The following HS3ST3A1 variants were observed in gnomAD, a reference collection of about 807,000 sequenced individuals.
The protein encoded by HS3ST3A1 is heparan sulfate glucosamine 3-O-sulfotransferase 3A1.
In HS3ST3A1, 19 loss-of-function variants were observed where a neutral mutation model predicts 25.7. That is an observed-to-expected ratio of 0.74 (90% confidence interval 0.52 to 1.08). HS3ST3A1 has a LOEUF of 1.08. HS3ST3A1 is among the 50% of genes least tolerant of loss of function. The probability of loss-of-function intolerance (pLI) is 0.00; values close to 1 mark genes in which losing one functional copy is unlikely to be tolerated. For missense variants in HS3ST3A1, 459 were observed against 594.3 expected (o/e 0.77, Z 2.37); for synonymous variants, 226 against 278.6 (o/e 0.81, Z 1.88).
At chr17:13,526,502 A>G (rs1235126520) in intron 1 of HS3ST3A1, among the ~76,000 whole-genome samples, 1 of 129,684 alleles carries the variant, frequency 7.7e-6, no homozygotes, top group African/African-American at 3.1e-5. Context: ...ATATATATAT[A>G]TATATATATA....
At chr17:13,521,099 G>A (rs1906220674) in intron 1 of HS3ST3A1, among the ~76,000 whole-genome samples, 1 of 152,116 alleles carries the variant, frequency 6.6e-6, no homozygotes, top group South Asian at 2.1e-4. Flanking sequence ...TGTCTGTGGT[G>A]GCAGAACTCC....
chr17:13,545,478 C>T (rs183097833), intron 1 of HS3ST3A1, among the ~76,000 whole-genome samples: 14 of 152,228 alleles, frequency 9.2e-5, no homozygotes, highest in African/African-American at 2.4e-4. Flanking sequence ...CTAGCTATAC[C>T]GGAGAGCTAT....
At chr17:13,552,738 G>T (rs1324521858) in intron 1 of HS3ST3A1, among the ~76,000 whole-genome samples, 1 of 152,176 alleles carries the variant, frequency 6.6e-6, no homozygotes, top group Non-Finnish European at 1.5e-5. Flanking sequence ...TTAAGACAAA[G>T]AAAGGCACAG....
At chr17:13,559,541 A>G (rs1199831751) in intron 1 of HS3ST3A1, among the ~76,000 whole-genome samples, 1 of 148,704 alleles carries the variant, frequency 6.7e-6, no homozygotes, top group Non-Finnish European at 1.5e-5. Flanking sequence ...CTTATATTTT[A>G]TGATATAATT....
chr17:13,591,675 T>TC (rs1189042980), intron 1 of HS3ST3A1, among the ~76,000 whole-genome samples: 4 of 109,882 alleles, frequency 3.6e-5, no homozygotes, highest in African/African-American at 1.0e-4. Flanking sequence ...TTTTTTTTTT[T>TC]TGGGACAGAG....
intron 1 of HS3ST3A1, among the ~76,000 whole-genome samples, chr17:13,504,901 G>A (rs1275735084): frequency 6.6e-6 from 1 of 152,198 alleles, no homozygotes; most frequent in African/African-American, 2.4e-5. Flanking sequence ...GTGGTGTGCA[G>A]TGTAACCTGG....
chr17:13,555,985 A>C lies in HS3ST3A1; in HGVS notation c.599+44546T>G, dbSNP rs1031147572. The C allele has an allele frequency of 2.0e-5, 3 of 152,200 alleles. No individual in the cohort carries two copies. The East Asian group carries it at 5.8e-4, about 29-fold the overall frequency. 9.4% of individuals were successfully genotyped at this position (152,200 alleles called of 1,614,324 possible). On this transcript the variant is annotated intron_variant, in intron 1 of 1. Coordinates refer to ENST00000284110, the MANE Select transcript of HS3ST3A1 (RefSeq NM_006042.3). ...TTCCTCCTTCTCTTGTCTTTCTCCC[A>C]ATCTTATGCAAAATGACCTAAGAAG...
intron 1 of HS3ST3A1, among the ~76,000 whole-genome samples, chr17:13,589,182 T>A (rs1384922600): frequency 6.6e-6 from 1 of 152,198 alleles, no homozygotes; most frequent in Non-Finnish European, 1.5e-5. Flanking sequence ...GTAAATTCTT[T>A]TCCAATCTGT....
intron 1 of HS3ST3A1, among the ~76,000 whole-genome samples, chr17:13,592,458 A>G (rs3785689): frequency 6.6e-6 from 1 of 152,172 alleles, no homozygotes; most frequent in African/African-American, 2.4e-5. Flanking sequence ...TGCTATTTTA[A>G]AAAAGGCTAA....
intron 1 of HS3ST3A1, among the ~76,000 whole-genome samples, chr17:13,589,438 A>G (rs1027958574): frequency 2.0e-5 from 3 of 152,140 alleles, no homozygotes; most frequent in African/African-American, 7.2e-5. Flanking sequence ...TTTTCTTTCC[A>G]TCATTAAACC....
intron 1 of HS3ST3A1, among the ~76,000 whole-genome samples, chr17:13,563,658 A>T (rs1232861197): frequency 6.6e-6 from 1 of 152,158 alleles, no homozygotes; most frequent in Non-Finnish European, 1.5e-5. Context: ...GGAATCACTA[A>T]GTCAATGGAG....
At chr17:13,574,197 G>C (rs559774821) in intron 1 of HS3ST3A1, among the ~76,000 whole-genome samples, 1 of 147,916 alleles carries the variant, frequency 6.8e-6, no homozygotes, top group African/African-American at 2.5e-5. Flanking sequence ...ACAGTGGCGC[G>C]ATCTCAGCTC....
At chr17:13,599,705 G>A (rs1476481477) in intron 1 of HS3ST3A1, among the ~76,000 whole-genome samples, 1 of 152,210 alleles carries the variant, frequency 6.6e-6, no homozygotes, top group Non-Finnish European at 1.5e-5. Context: ...GCAAATTTAA[G>A]ATTAAGATCT....
chr17:13,523,206 GA>G (rs1231248829), intron 1 of HS3ST3A1, among the ~76,000 whole-genome samples: 1 of 151,922 alleles, frequency 6.6e-6, no homozygotes, highest in African/African-American at 2.4e-5. Flanking sequence ...TTCTAGAAAA[GA>G]AAAAAACAAC....
At chr17:13,515,672 C>T (rs1050954134) in intron 1 of HS3ST3A1, among the ~76,000 whole-genome samples, 2 of 152,070 alleles carry the variant, frequency 1.3e-5, no homozygotes, top group Non-Finnish European at 2.9e-5. Context: ...AGCAAAATTG[C>T]TGGGTCATTT....
chr17:13,528,151 G>A (rs982872145), intron 1 of HS3ST3A1, among the ~76,000 whole-genome samples: 2 of 152,122 alleles, frequency 1.3e-5, no homozygotes, highest in Non-Finnish European at 2.9e-5. Context: ...TATAAGTAAC[G>A]AACGTCTCCA....
At chr17:13,594,008 G>A (rs1291056327) in intron 1 of HS3ST3A1, among the ~76,000 whole-genome samples, 3 of 152,090 alleles carry the variant, frequency 2.0e-5, no homozygotes, top group East Asian at 1.9e-4. Flanking sequence ...ATAGCTTAGC[G>A]GTCTTGGCGT....
rs754668033 is a variant in HS3ST3A1 at position 13,600,594 on chromosome 17, C to T, written c.536G>A (p.Arg179His). ...LEFLRVHPDV[R>H]AVGAEPHFFD... is the part of the protein sequence containing the mutation. ...GAAGTGGGGCTCGGCGCCCACGGCG[C>T]GCACGTCGGGGTGCACGCGCAGGAA... Residue 179 changes from arginine to histidine, a missense_variant, in exon 1 of 2, where the codon CGC becomes CAC. Coordinates refer to ENST00000284110, the MANE Select transcript of HS3ST3A1 (RefSeq NM_006042.3). 6.2e-7 allele frequency: 1 copy of T among 1,600,812 alleles called. No homozygotes were observed. The highest frequency in any genetic ancestry group is 1.1e-5 in the South Asian group (1 of 90,414).
Position 13,601,311 on chromosome 17 carries a change from G to A in HS3ST3A1, c.-182C>T. On this transcript the variant is annotated 5_prime_UTR_variant, in exon 1 of 2. Coordinates refer to ENST00000284110, the MANE Select transcript of HS3ST3A1 (RefSeq NM_006042.3). ...GGGCTCCGCGGGGAAACGGAATCCC[G>A]GGGGCCCCGCGCAGGATCCCTGCCT... 3.9e-6 allele frequency: 2 copies of A among 513,460 alleles called. No homozygotes were observed. The highest frequency in any genetic ancestry group is 6.7e-6 in the Non-Finnish European group (2 of 299,798). The allele number at this position is 513,460 out of a possible 1,614,324, so 31.8% of individuals were successfully genotyped here.
Sources: allele counts gnomAD v4.1 joint callset (sites outside exome capture counted in the v4.1 genomes callset), GRCh38; gene constraint gnomAD v4.1.1; transcripts MANE v1.5; gene names NCBI Gene and HGNC (gene_info 2026-07-23, HGNC 2026-07-21).